ANKRA2: variants seen among roughly 807,000 people sequenced by gnomAD.
The protein encoded by ANKRA2 is ankyrin repeat family A protein 2.
A neutral mutation model predicts 37.8 loss-of-function variants in ANKRA2; 33 were observed. That is an observed-to-expected ratio of 0.87 (90% CI 0.66 to 1.17). The LOEUF is 1.17. Among genes scored for constraint, ANKRA2 ranks in the 50% most tolerant of loss-of-function variants. The pLI is 0.00. For missense variants in ANKRA2, 326 were observed against 373.7 expected (o/e 0.87, Z 1.05); for synonymous variants, 126 against 132.3 (o/e 0.95, Z 0.33).
intron 4 of ANKRA2, among the ~76,000 whole-genome samples, chr5:73,556,964 A>AC (rs1747412340): frequency 1.3e-5 from 2 of 149,298 alleles, no homozygotes; most frequent in East Asian, 3.9e-4. Context: ...TATATATATA[A>AC]AATATATATT....
chr5:73,552,933 A>G (rs1747293072), intron 8 of ANKRA2, 81 bp from the exon 9 acceptor site: 8 of 1,207,748 alleles, frequency 6.6e-6, no homozygotes, highest in Non-Finnish European at 8.4e-6. Flanking sequence ...CTTATCCCCA[A>G]TATTTTCCTA....
chr5:73,557,214 T>C (rs962045903), intron 4 of ANKRA2, among the ~76,000 whole-genome samples: 12 of 151,794 alleles, frequency 7.9e-5, no homozygotes, highest in African/African-American at 2.9e-4. Flanking sequence ...CTCTCCACAG[T>C]ATTCAGTGTA....
intron 5 of ANKRA2, 117 bp downstream of exon 5, chr5:73,555,371 T>C: frequency 6.9e-7 from 1 of 1,452,042 alleles, no homozygotes. Flanking sequence ...ATGAAAAGCA[T>C]TAAACTTTTT....
Position 73,565,600 on chromosome 5 carries a change from AT to A in ANKRA2, c.-574del, listed in dbSNP as rs1437379761. ...GCCGGAGTACTACACAGACAGGGTC[AT>A]TTCAGTTGACGGTTCTGGGTCACCA... On this transcript the variant is annotated 5_prime_UTR_variant, in exon 1 of 9. The change creates a new upstream start codon in the 5' untranslated region. Transcript: ENST00000296785. The A allele has an allele frequency of 2.7e-6, 1 of 367,470 alleles. No homozygotes were observed. Among genetic ancestry groups the A allele is most frequent in the Non-Finnish European group, 5.4e-6 (1 of 186,242 alleles). The allele number at this position is 367,470 out of a possible 1,614,324, so 22.8% of individuals were successfully genotyped here.
At chr5:73,564,958 G>A (rs909424602) in intron 1 of ANKRA2, among the ~76,000 whole-genome samples, 174 bp downstream of exon 1, 2 of 152,084 alleles carry the variant, frequency 1.3e-5, no homozygotes, top group East Asian at 1.9e-4. Flanking sequence ...CGATAGCTAG[G>A]TTCACCTCGA....
rs988142764 is a variant in ANKRA2, at chr5:73,554,958, C to A, written c.641G>T (p.Gly214Val). ...GGCCAACGACAGTGCACTTTCTCGA[C>A]CTTTTCCTAAAAGTTGGGGATCAGC... ...NGADPQLLGK[G>V]RESALSLACS... Residue 214 changes from glycine to valine, a missense_variant, in exon 6 of 9, where the codon GGT becomes GTT. This residue lies in a region of ANKRA2 where 228 missense variants were observed against 260.2 expected (regional missense o/e 0.88). Coordinates refer to ENST00000296785, the MANE Select transcript of ANKRA2 (RefSeq NM_023039.5). The A allele has an allele frequency of 1.2e-6, 2 of 1,613,450 alleles. No homozygotes were observed. The highest frequency in any genetic ancestry group is 1.7e-5 in the Admixed American group (1 of 59,910).
intron 1 of ANKRA2, among the ~76,000 whole-genome samples, 172 bp downstream of exon 1, chr5:73,564,960 T>C (rs751788592): frequency 1.3e-5 from 2 of 151,980 alleles, no homozygotes; most frequent in African/African-American, 2.4e-5. Flanking sequence ...ATAGCTAGGT[T>C]CACCTCGATC....
intron 4 of ANKRA2, among the ~76,000 whole-genome samples, chr5:73,555,841 C>T (rs191665783): frequency 4.0e-4 from 61 of 152,228 alleles, no homozygotes; most frequent in African/African-American, 1.3e-3. Flanking sequence ...GACATAATGT[C>T]GGGTACAAGG....
chr5:73,565,003 C>G (rs1747687236), intron 1 of ANKRA2, 129 bp downstream of exon 1: 1 of 152,226 alleles, frequency 6.6e-6, no homozygotes, highest in South Asian at 2.1e-4. Flanking sequence ...GATAGAGAGT[C>G]TACGGAGATA....
chr5:73,564,725 T>C (rs1429943716), intron 1 of ANKRA2, among the ~76,000 whole-genome samples: 1 of 152,196 alleles, frequency 6.6e-6, no homozygotes, highest in Admixed American at 6.5e-5. Context: ...TCAGGGTTTA[T>C]AGATGGAATT....
intron 2 of ANKRA2, 106 bp from the exon 3 acceptor site, chr5:73,561,394 A>G: frequency 9.5e-7 from 1 of 1,057,270 alleles, no homozygotes; most frequent in Non-Finnish European, 1.4e-6. Context: ...CTTCAATTAA[A>G]CTATTTATCA....
At chr5:73,561,784 T>C (rs1747562623) in intron 2 of ANKRA2, among the ~76,000 whole-genome samples, 1 of 151,004 alleles carries the variant, frequency 6.6e-6, no homozygotes, top group Non-Finnish European at 1.5e-5. Flanking sequence ...AAAAAAAGTC[T>C]ACATAACCAT....
intron 4 of ANKRA2, 132 bp downstream of exon 4, chr5:73,557,443 T>G: frequency 2.8e-6 from 1 of 357,736 alleles, no homozygotes; most frequent in Non-Finnish European, 5.0e-6. Flanking sequence ...TACTATCCAT[T>G]GGGTTATCTG....
At chr5:73,562,273 TC>T (rs1192610577) in intron 2 of ANKRA2, among the ~76,000 whole-genome samples, 1 of 152,112 alleles carries the variant, frequency 6.6e-6, no homozygotes, top group Admixed American at 6.6e-5. Context: ...CACCTCGGCC[TC>T]CCAAAGTGCT....
rs746646135 is a variant in ANKRA2, at chr5:73,562,825, G to C, written c.57C>G (p.Pro19=). Residue 19 remains proline (P), a synonymous_variant, in exon 2 of 9, where the codon CCC becomes CCG. Transcript: ENST00000296785. ...IGAQLIVEEC[P]STYSLTGMPD... ...GCATGCCAGTTAGGCTATAAGTGCT[G>C]GGACACTCTTCCACGATAAGCTGGG... 4 of 1,613,996 alleles carry C rather than the reference G, an allele frequency of 2.5e-6. No individual in the cohort carries two copies. The South Asian group carries it at 3.3e-5, about 13-fold the overall frequency.
intron 1 of ANKRA2, among the ~76,000 whole-genome samples, chr5:73,564,518 T>C (rs542492039): frequency 7.3e-4 from 111 of 152,338 alleles, no homozygotes; most frequent in African/African-American, 2.6e-3. Flanking sequence ...ACTTTAACAA[T>C]TTTTTCCATA....
At chr5:73,563,037 C>T (rs550786822) in intron 1 of ANKRA2, 52 bp from the exon 2 acceptor site, 1 of 638,666 alleles carries the variant, frequency 1.6e-6, no homozygotes, top group Non-Finnish European at 2.6e-6. Flanking sequence ...TAGGTAAAAA[C>T]ACACAAAATA....
In ANKRA2 at chr5:73,557,581, C is replaced by T. The variant is rs752426421; in HGVS notation, c.508G>A (p.Glu170Lys). The T allele has an allele frequency of 8.1e-6, 13 of 1,601,982 alleles. No individual in the cohort carries two copies. The highest frequency in any genetic ancestry group is 5.4e-5 in the African/African-American group (4 of 74,432). ...GEMLYLATRIEQENVINHTDE... is the reference protein window; with the variant it reads ...GEMLYLATRIKQENVINHTDE... The stretch of plus-strand genomic sequence containing the variant: ...TTTTTAAATAGGCTATTACCTTGTT[C>T]GATACGAGTAGCCAGATAGAGCATC... Residue 170 changes from glutamate (E) to lysine (K), a missense_variant, in exon 4 of 9, where the codon GAA (glutamate) becomes AAA (lysine). Around this residue, in one of 3 missense-constraint regions of ANKRA2, gnomAD observed 228 missense variants for 260.2 expected, o/e 0.88. Coordinates refer to ENST00000296785, the MANE Select transcript of ANKRA2 (RefSeq NM_023039.5).
rs1365740690 is a variant in ANKRA2, at chr5:73,554,867, A to T, written c.732T>A (p.Tyr244Ter). ...LLDCGVDVNE[Y>*]DWNGGTPLLY... ...TTTAGTATTACAAACTTACCCAATCATATTCATTTACATCAACTCCACAAT... is the reference window on the plus strand; with the variant it reads ...TTTAGTATTACAAACTTACCCAATCTTATTCATTTACATCAACTCCACAAT... The change falls in exon 6 of 9, where the codon TAT becomes TAA. Residue 244 changes from tyrosine (Y) to a stop codon, truncating the protein, a stop_gained. Transcript: ENST00000296785. LOFTEE classifies it high-confidence loss of function. 1 of 1,613,364 alleles carries T rather than the reference A, an allele frequency of 6.2e-7. No homozygotes were observed. The highest frequency in any genetic ancestry group is 1.7e-5 in the Admixed American group (1 of 59,896).
Sources: gnomAD v4.1 joint callset for allele counts (sites outside exome capture counted in the v4.1 genomes callset) on GRCh38, gnomAD v4.1.1 for gene constraint, gnomAD v4.1.1 regional missense constraint, MANE v1.5 for transcripts, NCBI Gene and HGNC (gene_info 2026-07-23, HGNC 2026-07-21) for gene names.